The following DBN1 variants were observed in gnomAD, a reference collection of about 807,000 sequenced individuals.
The protein encoded by DBN1 is drebrin 1.
Under a neutral mutation model 83.5 loss-of-function variants are expected in DBN1, and 21 were observed. The ratio of observed to expected loss-of-function variants is 0.25; its 90% CI spans 0.18 to 0.36. DBN1 has a LOEUF of 0.36. Among genes scored for constraint, DBN1 ranks in the 10% least tolerant of loss-of-function variants. The probability of loss-of-function intolerance (pLI) is 1.00; values close to 1 mark genes in which losing one functional copy is unlikely to be tolerated. For synonymous variants in DBN1, 381 were observed against 384.9 expected (o/e 0.99, Z 0.12); for missense variants, 874 against 935.7 (o/e 0.93, Z 0.86).
In DBN1 at chr5:177,466,666, A is replaced by T; in HGVS notation, c.771+106T>A. On this transcript the variant is annotated intron_variant, in intron 8 of 14. Transcript: ENST00000393565. The surrounding 1 kb of genome is among the most constrained non-coding windows in gnomAD (Gnocchi z 4.8). The stretch of plus-strand genomic sequence containing the variant: ...CTGTGCCCATGCAGCTCCCCAGAAC[A>T]GCCACCACTGTCCCTGAGCCACTGA... 7.6e-7 allele frequency: 1 copy of T among 1,310,932 alleles called. No homozygotes were observed. The highest frequency in any genetic ancestry group is 1.1e-6 in the Non-Finnish European group (1 of 905,134). 81.2% of individuals were successfully genotyped at this position (1,310,932 alleles called of 1,614,324 possible).
In DBN1 at chr5:177,458,477, T is replaced by C. The variant is rs763837687; in HGVS notation, c.1495A>G (p.Ile499Val). 2 of 1,613,608 alleles carry C rather than the reference T, an allele frequency of 1.2e-6. No homozygotes were observed. The highest frequency in any genetic ancestry group is 2.7e-5 in the African/African-American group (2 of 74,906). ...ATEIHDAADT[I>V]ETDTATADTT... is the part of the protein sequence containing the mutation. Reference sequence around the variant, plus strand: ...TCAGCAGTGGCAGTGTCAGTTTCAATGGTGTCAGCTGCATCGTGGATCTCC... The same window carrying C: ...TCAGCAGTGGCAGTGTCAGTTTCAACGGTGTCAGCTGCATCGTGGATCTCC... Residue 499 changes from isoleucine (I) to valine (V), a missense_variant, in exon 13 of 15, where the codon ATT becomes GTT. Physicochemically the swap from Ile to Val is conservative, Grantham distance 29 (BLOSUM62 3). Transcript: ENST00000393565.
intron 2 of DBN1, 57 bp downstream of exon 2, chr5:177,468,787 A>C: frequency 8.0e-7 from 1 of 1,242,980 alleles, no homozygotes; most frequent in Non-Finnish European, 1.0e-6. Context: ...GGTGGGGAAG[A>C]AAACAACCAG....
Position 177,456,645 on chromosome 5 carries a change from A to G in DBN1, c.*788T>C, listed in dbSNP as rs1234430024. The G allele has an allele frequency of 7.0e-6, 1 of 142,380 alleles. No homozygotes were observed. Among genetic ancestry groups the G allele is most frequent in the Non-Finnish European group, 1.5e-5 (1 of 66,466 alleles). The allele number at this position is 142,380 out of a possible 1,614,324, so 8.8% of individuals were successfully genotyped here. ...GATTTCTTTATTAACAGACATGAGCACGACCCGTTACAGAAGTTTGTGCTT... is the reference window on the plus strand; with the variant it reads ...GATTTCTTTATTAACAGACATGAGCGCGACCCGTTACAGAAGTTTGTGCTT... On this transcript the variant is annotated 3_prime_UTR_variant, in exon 15 of 15. Coordinates refer to ENST00000393565, the MANE Select transcript of DBN1 (RefSeq NM_001363541.2).
chr5:177,461,378 G>C (rs1402160996), intron 8 of DBN1, among the ~76,000 whole-genome samples: 1 of 151,580 alleles, frequency 6.6e-6, no homozygotes, highest in Non-Finnish European at 1.5e-5. Flanking sequence ...GATTACAGGC[G>C]TGAGCCACCG....
rs1354678152 is a variant in DBN1 at position 177,458,579 on chromosome 5, C to T, written c.1393G>A (p.Glu465Lys). The change falls in exon 13 of 15, where the codon GAG becomes AAG. Residue 465 changes from glutamate (E) to lysine (K), a missense_variant. Physicochemically the swap from Glu to Lys is moderately conservative, Grantham distance 56. Transcript: ENST00000393565. ...APPRGPGSPA[E>K]DLMFMESAEQ... is the part of the protein sequence containing the mutation. ...GCAGACTCCATGAACATCAAGTCCT[C>T]TGCAGGGCTGCCTGGCCCCCGGGGA... The T allele has an allele frequency of 3.1e-6, 5 of 1,613,890 alleles. No homozygotes were observed. The highest frequency in any genetic ancestry group is 1.7e-5 in the Admixed American group (1 of 60,016).
In DBN1 at chr5:177,467,415, C is replaced by G; in HGVS notation, c.477+66G>C. Reference sequence around the variant, plus strand: ...CTAAAGGGTGAGAGCTAAGAGGGACCGGGCAGGCCAGACTCGGGCACCAGG... The same window carrying G: ...CTAAAGGGTGAGAGCTAAGAGGGACGGGGCAGGCCAGACTCGGGCACCAGG... On this transcript the variant is annotated intron_variant, in intron 5 of 14. Coordinates refer to ENST00000393565, the MANE Select transcript of DBN1 (RefSeq NM_001363541.2). This position sits in a 1 kb window ranked among gnomAD's most constrained non-coding sequence, Gnocchi z 9.1. 2 of 1,612,548 alleles carry G rather than the reference C, an allele frequency of 1.2e-6. No individual in the cohort carries two copies. The highest frequency in any genetic ancestry group is 2.2e-5 in the East Asian group (1 of 44,846).
At chr5:177,460,843 A>G (rs1756978737) in intron 8 of DBN1, 140 bp from the exon 9 acceptor site, 4 of 814,982 alleles carry the variant, frequency 4.9e-6, no homozygotes, top group Non-Finnish European at 7.7e-6. Flanking sequence ...GCAGTGGTAC[A>G]ATCACGGCTC....
At chr5:177,469,737 T>C (rs755160767) in intron 1 of DBN1, among the ~76,000 whole-genome samples, 5 of 152,094 alleles carry the variant, frequency 3.3e-5, no homozygotes, top group African/African-American at 7.2e-5. Flanking sequence ...AGAGCAACCA[T>C]TGCACAGAAG....
At chr5:177,462,939 C>G in intron 8 of DBN1, among the ~76,000 whole-genome samples, 1 of 152,218 alleles carries the variant, frequency 6.6e-6, no homozygotes, top group Non-Finnish European at 1.5e-5. Context: ...TTCCCATGAG[C>G]CTGTGTCCCA....
intron 1 of DBN1, chr5:177,472,459 C>T (rs1220841743): frequency 1.5e-6 from 2 of 1,297,884 alleles, no homozygotes; most frequent in Admixed American, 4.2e-5. Context: ...AGGAACCCCT[C>T]GGTTTCCTTT....
chr5:177,467,896 G>T lies in DBN1; in HGVS notation c.256-79C>A. The stretch of plus-strand genomic sequence containing the variant: ...CGATAGGGTGCATCTTCCCCGGGGT[G>T]GGAAGAGGGTGGGCTTCCCTCTCCA... On this transcript the variant is annotated intron_variant, in intron 3 of 14. Coordinates refer to ENST00000393565, the MANE Select transcript of DBN1 (RefSeq NM_001363541.2). The surrounding 1 kb of genome is among the most constrained non-coding windows in gnomAD (Gnocchi z 9.1). The T allele has an allele frequency of 6.5e-7, 1 of 1,546,684 alleles. No individual in the cohort carries two copies. The highest frequency in any genetic ancestry group is 1.1e-5 in the South Asian group (1 of 87,534).
rs767231273 is a variant in DBN1 at position 177,460,460 on chromosome 5, A to T, written c.927T>A (p.Asp309Glu). The change falls in exon 10 of 15, where the codon GAT becomes GAA. Residue 309 changes from aspartate to glutamate, a missense_variant. Transcript: ENST00000393565. The stretch of plus-strand genomic sequence containing the variant: ...GTCGATGGTTGAAGGGCGAGGGTAC[A>T]TCACAGCTGCCCGCAGAGGCCGATG... Reference protein sequence around the residue: ...RVASASAGSCDVPSPFNHRPG... With the variant: ...RVASASAGSCEVPSPFNHRPG... The T allele has an allele frequency of 1.3e-4, 216 of 1,613,964 alleles. No individual in the cohort carries two copies. The highest frequency in any genetic ancestry group is 1.7e-4 in the Non-Finnish European group (206 of 1,179,992).
intron 8 of DBN1, among the ~76,000 whole-genome samples, chr5:177,463,128 CCGGGTTCACGCCATTCTCCTGCCT>C (rs1348449618): frequency 6.6e-6 from 1 of 152,174 alleles, no homozygotes; most frequent in Non-Finnish European, 1.5e-5. Flanking sequence ...GCTCCGCCTC[CCGGGTTCACGCCATTCTCCTGCCT>C]CAGCCTCCCG....
At chr5:177,459,846 C>A in intron 10 of DBN1, 106 bp from the exon 11 acceptor site, 1 of 1,276,362 alleles carries the variant, frequency 7.8e-7, no homozygotes, top group Non-Finnish European at 1.0e-6. Flanking sequence ...CCCTGGATGT[C>A]CAAGCTGCCT....
chr5:177,460,378 T>G (rs1216369992), intron 10 of DBN1, 54 bp downstream of exon 10: 3 of 1,611,204 alleles, frequency 1.9e-6, no homozygotes, highest in Non-Finnish European at 2.5e-6. Flanking sequence ...CCAGAGAGGC[T>G]CAGGGCCGCA....
chr5:177,467,436 C>A lies in DBN1; in HGVS notation c.477+45G>T. 6.2e-7 allele frequency: 1 copy of A among 1,610,850 alleles called. No homozygotes were observed. The highest frequency in any genetic ancestry group is 8.5e-7 in the Non-Finnish European group (1 of 1,177,848). ...GGACCGGGCAGGCCAGACTCGGGCACCAGGCCACGCAGGCAGAGCCCACGG... is the reference window on the plus strand; with the variant it reads ...GGACCGGGCAGGCCAGACTCGGGCAACAGGCCACGCAGGCAGAGCCCACGG... On this transcript the variant is annotated intron_variant, in intron 5 of 14. Transcript: ENST00000393565. The surrounding 1 kb of genome is among the most constrained non-coding windows in gnomAD (Gnocchi z 9.1).
At chr5:177,470,841 G>A (rs1367920068) in intron 1 of DBN1, among the ~76,000 whole-genome samples, 1 of 152,156 alleles carries the variant, frequency 6.6e-6, no homozygotes, top group Non-Finnish European at 1.5e-5. Context: ...GCCTGGTGGT[G>A]CACCAGGTGG....
rs1011182663 is a variant in DBN1, at chr5:177,472,820, G to A, written c.86+616C>T. 1.7e-5 allele frequency: 17 copies of A among 986,116 alleles called. No individual in the cohort carries two copies. The East Asian group carries it at 3.4e-4, about 20-fold the overall frequency. The allele number at this position is 986,116 out of a possible 1,614,324, so 61.1% of individuals were successfully genotyped here. ...CGCGGCGGTAAGGGAGTCACTTCGC[G>A]GTCGCCATGTGGCAGCAAACATCCT... On this transcript the variant is annotated intron_variant, in intron 1 of 14. Transcript: ENST00000393565.
chr5:177,462,149 T>A (rs1433543736), intron 8 of DBN1: 1 of 919,376 alleles, frequency 1.1e-6, no homozygotes, highest in Non-Finnish European at 1.3e-6. Context: ...GCACTTGGCC[T>A]ACGTCCCCCA....
Sources: gnomAD v4.1 joint callset for allele counts (sites outside exome capture counted in the v4.1 genomes callset) on GRCh38, gnomAD v4.1.1 for gene constraint, Gnocchi (gnomAD v3.1) non-coding constraint, MANE v1.5 for transcripts, NCBI Gene and HGNC (gene_info 2026-07-23, HGNC 2026-07-21) for gene names.